Variants in NUDT4 observed in about 807,000 individuals in gnomAD.
NUDT4 encodes the protein nudix hydrolase 4, also known as diphosphoinositol polyphosphate phosphohydrolase 2.
Under a neutral mutation model 23.1 loss-of-function variants are expected in NUDT4, and 5 were observed. That is an observed-to-expected ratio of 0.22 (90% CI 0.11 to 0.46). NUDT4 has a LOEUF of 0.46. Ranked by LOEUF, NUDT4 falls within the 20% of genes least tolerant of loss-of-function variation. The probability of loss-of-function intolerance (pLI) is 0.99; values close to 1 mark genes in which losing one functional copy is unlikely to be tolerated. For missense variants in NUDT4, 96 were observed against 211.6 expected, an observed-to-expected ratio of 0.45 and a Z score of 3.39; for synonymous variants, 50 against 79.0, an observed-to-expected ratio of 0.63 and a Z score of 1.95.
At chr12:93,378,625 C>T (rs1875388930) in intron 1 of NUDT4, 14 of 1,217,570 alleles carry the variant, frequency 1.1e-5, no homozygotes, top group South Asian at 6.8e-5. Context: ...AAAGGGGGCT[C>T]GCCCAGCCCC....
chr12:93,380,784 C>T (rs1002737904), intron 1 of NUDT4, among the ~76,000 whole-genome samples: 1 of 152,300 alleles, frequency 6.6e-6, no homozygotes, highest in Non-Finnish European at 1.5e-5. Flanking sequence ...GTTGAAATTG[C>T]ATTGCCAGAC....
In NUDT4 at chr12:93,400,328, G is replaced by GT. The variant is rs1877290630; in HGVS notation, c.*950dup. The GT allele has an allele frequency of 6.6e-6, 1 of 151,642 alleles. No homozygotes were observed. Among genetic ancestry groups the GT allele is most frequent in the Admixed American group, 6.6e-5 (1 of 15,210 alleles). The allele number at this position is 151,642 out of a possible 1,614,324, so 9.4% of individuals were successfully genotyped here. On this transcript the variant is annotated 3_prime_UTR_variant, in exon 5 of 5. Coordinates refer to ENST00000415493, the MANE Select transcript of NUDT4 (RefSeq NM_019094.6). The stretch of plus-strand genomic sequence containing the variant: ...TCAGTGATGATCGCATCACAGTTGA[G>GT]TGAAATGGCCTTCCTGTTCAGCTGT...
intron 1 of NUDT4, among the ~76,000 whole-genome samples, chr12:93,384,197 C>G (rs529046979): frequency 4.8e-5 from 7 of 144,998 alleles, no homozygotes; most frequent in African/African-American, 1.8e-4. Flanking sequence ...TTTTTTTTTT[C>G]TCGCTCTGTC....
intron 1 of NUDT4, among the ~76,000 whole-genome samples, chr12:93,387,441 C>T (rs1174009467): frequency 6.6e-6 from 1 of 152,168 alleles, no homozygotes; most frequent in African/African-American, 2.4e-5. Context: ...TCCTCACCAC[C>T]ATCCCCAGTT....
intron 1 of NUDT4, among the ~76,000 whole-genome samples, chr12:93,387,390 C>T (rs1876185006): frequency 6.6e-6 from 1 of 152,178 alleles, no homozygotes; most frequent in African/African-American, 2.4e-5. Context: ...TTCTTGAGTT[C>T]CTGATAGTTC....
rs931698895 is a variant in NUDT4, at chr12:93,405,734, T to G, written c.*6355T>G. On this transcript the variant is annotated 3_prime_UTR_variant, in exon 5 of 5. Coordinates refer to ENST00000415493, the MANE Select transcript of NUDT4 (RefSeq NM_019094.6). ...ATTATTTACACTTCTCTCAAATTAT[T>G]ACATTCAGCATGTTTTGCTTTTTAT... The G allele has an allele frequency of 6.6e-6, 1 of 152,230 alleles. No individual in the cohort carries two copies. The highest frequency in any genetic ancestry group is 1.9e-4 in the East Asian group (1 of 5,202). The allele number at this position is 152,230 out of a possible 1,614,324, so 9.4% of individuals were successfully genotyped here. A position where few individuals can be genotyped will look rare whatever the true frequency, so the allele number is the denominator to read the frequency against.
At chr12:93,388,604 G>A (rs539088151) in intron 1 of NUDT4, among the ~76,000 whole-genome samples, 2 of 152,168 alleles carry the variant, frequency 1.3e-5, no homozygotes, top group Non-Finnish European at 2.9e-5. Flanking sequence ...AAAGTGAATG[G>A]ATTTAGTTTG....
rs34651915 is a variant in NUDT4, at chr12:93,398,338, CAAAA to C, written c.256-415_256-412del. Among the ~76,000 whole-genome samples the C allele has an allele frequency of 1.3e-3, 99 of 75,272 alleles. 3 individuals carry two copies. In the South Asian group the frequency reaches 0.037, roughly 28 times the overall value. 49.4% of individuals were successfully genotyped at this position (75,272 alleles called of 152,430 possible). On this transcript the variant is annotated intron_variant, in intron 3 of 4. Transcript: ENST00000415493. ...GGCAACAAAGCGAGACTCCCTGTCT[CAAAA>C]AAAAAAAAAAAAAAAAAGAAAAGAA...
chr12:93,381,971 C>T (rs1315260462), intron 1 of NUDT4, among the ~76,000 whole-genome samples: 2 of 151,884 alleles, frequency 1.3e-5, no homozygotes, highest in African/African-American at 4.8e-5. Flanking sequence ...GGACTAACCA[C>T]TACAGGCCAG....
rs1440430739 is a variant in NUDT4 at position 93,406,436 on chromosome 12, A to C, written c.*7057A>C. 5.9e-5 allele frequency: 9 copies of C among 152,132 alleles called. No homozygotes were observed. The highest frequency in any genetic ancestry group is 1.2e-4 in the African/African-American group (5 of 41,432). 9.4% of individuals were successfully genotyped at this position (152,132 alleles called of 1,614,324 possible). On this transcript the variant is annotated 3_prime_UTR_variant, in exon 5 of 5. Coordinates refer to ENST00000415493, the MANE Select transcript of NUDT4 (RefSeq NM_019094.6). Reference sequence around the variant, plus strand: ...TTTCCTTCCCCATTCTCCATCAAACAACCATAGCACCTGTGACTTTTATCT... The same window carrying C: ...TTTCCTTCCCCATTCTCCATCAAACCACCATAGCACCTGTGACTTTTATCT...
intron 2 of NUDT4, 53 bp downstream of exon 2, chr12:93,394,772 T>G: frequency 9.0e-7 from 1 of 1,113,838 alleles, no homozygotes; most frequent in Non-Finnish European, 1.3e-6. Flanking sequence ...AACAAGGCCC[T>G]TTGCTACATA....
Position 93,400,361 on chromosome 12 carries a change from T to A in NUDT4, c.*982T>A, listed in dbSNP as rs1381699178. 1.3e-5 allele frequency: 2 copies of A among 152,088 alleles called. No individual in the cohort carries two copies. The highest frequency in any genetic ancestry group is 4.8e-5 in the African/African-American group (2 of 41,480). 9.4% of individuals were successfully genotyped at this position (152,088 alleles called of 1,614,324 possible). A position where few individuals can be genotyped will look rare whatever the true frequency, so the allele number is the denominator to read the frequency against. ...GCCTTCCTGTTCAGCTGTTAGAGAC[T>A]GAAGATTGTTAGGGCACCTTAGAAT... is the stretch of plus-strand genomic sequence containing the variant. On this transcript the variant is annotated 3_prime_UTR_variant, in exon 5 of 5. Coordinates refer to ENST00000415493, the MANE Select transcript of NUDT4 (RefSeq NM_019094.6).
intron 1 of NUDT4, among the ~76,000 whole-genome samples, chr12:93,387,017 C>T (rs191309271): frequency 3.3e-5 from 5 of 152,190 alleles, no homozygotes; most frequent in African/African-American, 9.6e-5. Context: ...CACTGCAAAC[C>T]GCCTCCTGGA....
Position 93,402,779 on chromosome 12 carries a change from C to T in NUDT4, c.*3400C>T, listed in dbSNP as rs1877556973. ...TTACTCTAGAATTCTAATACAGATACTTTCTGCACTAGTATCACTTTTATT... is the reference window on the plus strand; with the variant it reads ...TTACTCTAGAATTCTAATACAGATATTTTCTGCACTAGTATCACTTTTATT... On this transcript the variant is annotated 3_prime_UTR_variant, in exon 5 of 5. Coordinates refer to ENST00000415493, the MANE Select transcript of NUDT4 (RefSeq NM_019094.6). The T allele has an allele frequency of 6.6e-6, 1 of 152,140 alleles. No individual in the cohort carries two copies. Among genetic ancestry groups the T allele is most frequent in the South Asian group, 2.1e-4 (1 of 4,824 alleles). The allele number at this position is 152,140 out of a possible 1,614,324, so 9.4% of individuals were successfully genotyped here.
Position 93,392,666 on chromosome 12 carries a change from CTT to C in NUDT4, c.100-1926_100-1925del, listed in dbSNP as rs71307563. Among the ~76,000 whole-genome samples the C allele has an allele frequency of 3.1e-3, 234 of 76,176 alleles. 4 individuals are homozygous for C. Among genetic ancestry groups the C allele is most frequent in the African/African-American group, 0.013 (225 of 17,554 alleles). The allele number at this position is 76,176 out of a possible 152,430, so 50.0% of individuals were successfully genotyped here. A position where few individuals can be genotyped will look rare whatever the true frequency, so the allele number is the denominator to read the frequency against. On this transcript the variant is annotated intron_variant, in intron 1 of 4. Coordinates refer to ENST00000415493, the MANE Select transcript of NUDT4 (RefSeq NM_019094.6). ...TTTGTAACAATTTGTAGATTTCAGT[CTT>C]TTTTTTTTTTTTTTTTCCCCCGAGA...
chr12:93,407,774 C>A lies in NUDT4; in HGVS notation c.*8395C>A. The A allele has an allele frequency of 6.6e-6, 1 of 152,216 alleles. No individual in the cohort carries two copies. Among genetic ancestry groups the A allele is most frequent in the East Asian group, 1.9e-4 (1 of 5,198 alleles). The allele number at this position is 152,216 out of a possible 1,614,324, so 9.4% of individuals were successfully genotyped here. On this transcript the variant is annotated 3_prime_UTR_variant, in exon 5 of 5. Coordinates refer to ENST00000415493, the MANE Select transcript of NUDT4 (RefSeq NM_019094.6). ...CAGGCCCAAAGGCCAGGTGAAGCTG[C>A]AGTTTTCAACTGCTGCCTTGGCCTC...
intron 3 of NUDT4, among the ~76,000 whole-genome samples, chr12:93,398,338 C>CAAAA (rs34651915): frequency 7.4e-4 from 56 of 75,216 alleles, no homozygotes; most frequent in South Asian, 1.3e-3. Flanking sequence ...CTCCCTGTCT[C>CAAAA]AAAAAAAAAA....
chr12:93,404,143 T>C lies in NUDT4; in HGVS notation c.*4764T>C, dbSNP rs1024886405. On this transcript the variant is annotated 3_prime_UTR_variant, in exon 5 of 5. Coordinates refer to ENST00000415493, the MANE Select transcript of NUDT4 (RefSeq NM_019094.6). Reference sequence around the variant, plus strand: ...TCAAATTCATGTTAGTGAAGTACTTTCATTTGGCCATCATTATTTATCAAC... The same window carrying C: ...TCAAATTCATGTTAGTGAAGTACTTCCATTTGGCCATCATTATTTATCAAC... The C allele has an allele frequency of 2.0e-5, 3 of 152,212 alleles. No homozygotes were observed. The highest frequency in any genetic ancestry group is 7.2e-5 in the African/African-American group (3 of 41,434). The allele number at this position is 152,212 out of a possible 1,614,324, so 9.4% of individuals were successfully genotyped here.
In NUDT4 at chr12:93,408,075, CTA is replaced by C. The variant is rs751647245; in HGVS notation, c.*8698_*8699del. 6.6e-6 allele frequency: 1 copy of C among 152,180 alleles called. No individual in the cohort carries two copies. The highest frequency in any genetic ancestry group is 1.5e-5 in the Non-Finnish European group (1 of 68,020). 9.4% of individuals were successfully genotyped at this position (152,180 alleles called of 1,614,324 possible). On this transcript the variant is annotated 3_prime_UTR_variant, in exon 5 of 5. Transcript: ENST00000415493. ...CTGGAATTTCATGGTTTGTAAATCA[CTA>C]TGTGATACTAGCTATAACCATGAGC...
Sources: allele counts gnomAD v4.1 joint callset (sites outside exome capture counted in the v4.1 genomes callset), GRCh38; gene constraint gnomAD v4.1.1; transcripts MANE v1.5; gene names NCBI Gene and HGNC (gene_info 2026-07-23, HGNC 2026-07-21).